NCOR2: variants seen among roughly 807,000 people sequenced by gnomAD.
NCOR2 encodes nuclear receptor corepressor 2.
Under a neutral mutation model 262.9 loss-of-function variants are expected in NCOR2, and 81 were observed. That is an observed-to-expected ratio of 0.31 (90% CI 0.26 to 0.37). The LOEUF (loss-of-function observed/expected upper bound fraction) is 0.37. Ranked by LOEUF, NCOR2 falls within the 10% of genes least tolerant of loss-of-function variation. The pLI, the probability that NCOR2 is intolerant of heterozygous loss-of-function variation, is 1.00. For synonymous variants in NCOR2, 1,659 were observed against 1,559.3 expected (o/e 1.06, Z -1.51); for missense variants, 3,385 against 3,621.4 (o/e 0.93, Z 1.68).
chr12:124,396,123 A>G (rs919329483), intron 16 of NCOR2, among the ~76,000 whole-genome samples: 1 of 152,176 alleles, frequency 6.6e-6, no homozygotes, highest in Non-Finnish European at 1.5e-5. Context: ...CGCCCAGAAC[A>G]GGCCAATCCA....
At chr12:124,332,608 T>A (rs967259653) in intron 42 of NCOR2, 141 bp from the exon 45 acceptor site, 1 of 1,098,354 alleles carries the variant, frequency 9.1e-7, no homozygotes, top group Non-Finnish European at 1.3e-6. Context: ...CCCTGCCTGG[T>A]AGAAGATCAC....
At chr12:124,544,052 G>GA (rs2051465147) in intron 1 of NCOR2, among the ~76,000 whole-genome samples, 1 of 152,236 alleles carries the variant, frequency 6.6e-6, no homozygotes, top group South Asian at 2.1e-4. Context: ...CACACTCAGC[G>GA]TCAGTCAGCA....
chr12:124,445,461 T>C (rs987482959), intron 7 of NCOR2, among the ~76,000 whole-genome samples: 3 of 152,212 alleles, frequency 2.0e-5, no homozygotes, highest in Admixed American at 1.3e-4. Context: ...CGAAATCGTC[T>C]GTGCGGCAGG....
chr12:124,348,368 G>A lies in NCOR2; in HGVS notation c.3845-54C>T, dbSNP rs998317665. 77 of 1,546,176 alleles carry A rather than the reference G, an allele frequency of 5.0e-5. No individual in the cohort carries two copies. In the East Asian group the frequency reaches 8.4e-4, roughly 17 times the overall value. On this transcript the variant is annotated intron_variant, in intron 28 of 46. Coordinates refer to ENST00000405201, the Ensembl canonical transcript of NCOR2. ...GAGCTGGGCACGGGCCCAGGACCACGGTGGGCAGGCAGGACAGGCAGAGCC... is the reference window on the plus strand; with the variant it reads ...GAGCTGGGCACGGGCCCAGGACCACAGTGGGCAGGCAGGACAGGCAGAGCC...
Position 124,335,298 on chromosome 12 carries a change from C to T in NCOR2, c.6266-18G>A, listed in dbSNP as rs750519401. On this transcript the variant is annotated intron_variant, in intron 39 of 46. Coordinates refer to ENST00000405201, the Ensembl canonical transcript of NCOR2. ...CACGGGGCCTGCAGGCAGAGCAGAG[C>T]TGGTCAGGGGGTGTCTGCTGGCCCC... is the stretch of plus-strand genomic sequence containing the variant. The T allele has an allele frequency of 3.2e-6, 5 of 1,571,282 alleles. No homozygotes were observed. In the African/African-American group the frequency reaches 5.4e-5, roughly 17 times the overall value.
intron 4 of NCOR2, among the ~76,000 whole-genome samples, chr12:124,470,447 T>C (rs2046774946): frequency 6.6e-6 from 1 of 152,044 alleles, no homozygotes; most frequent in Non-Finnish European, 1.5e-5. Context: ...ACAGCCCAAA[T>C]GGCCACAGAT....
Position 124,504,842 on chromosome 12 carries a change from C to T in NCOR2, c.-117-9474G>A, listed in dbSNP as rs2048958011. Reference sequence around the variant, plus strand: ...GGAGGGGCAGATTCCCAGGACAGAACAAAGGCCCGAGGCTGCCAGGGGTTG... The same window carrying T: ...GGAGGGGCAGATTCCCAGGACAGAATAAAGGCCCGAGGCTGCCAGGGGTTG... On this transcript the variant is annotated intron_variant, in intron 1 of 46. Transcript: ENST00000404621. The surrounding 1 kb of genome is among the most constrained non-coding windows in gnomAD (Gnocchi z 4.5). 6.6e-6 allele frequency among the ~76,000 whole-genome samples: 1 copy of T among 152,154 alleles called. No homozygotes were observed. Among genetic ancestry groups the T allele is most frequent in the African/African-American group, 2.4e-5 (1 of 41,430 alleles).
chr12:124,340,050 C>T, exon 37 of NCOR2: 1 of 1,612,936 alleles, frequency 6.2e-7, no homozygotes. Context: ...TGATGATACC[C>T]TTCATGCCTG....
intron 4 of NCOR2, among the ~76,000 whole-genome samples, chr12:124,470,499 T>C (rs182740949): frequency 1.0e-3 from 154 of 152,306 alleles, no homozygotes; most frequent in African/African-American, 3.5e-3. Flanking sequence ...CAACGGAATA[T>C]GTTTCAGCCA....
At position 124,432,036 on chromosome 12, in the gene NCOR2, A is replaced by G. The variant is rs910689369; in HGVS notation, c.883-1249T>C. 6.7e-6 allele frequency among the ~76,000 whole-genome samples: 1 copy of G among 148,796 alleles called. No individual in the cohort carries two copies. Among genetic ancestry groups the G allele is most frequent in the Non-Finnish European group, 1.5e-5 (1 of 66,996 alleles). On this transcript the variant is annotated intron_variant, in intron 8 of 46. Coordinates refer to ENST00000405201, the Ensembl canonical transcript of NCOR2. The surrounding 1 kb of genome is among the most constrained non-coding windows in gnomAD (Gnocchi z 5.1). Reference sequence around the variant, plus strand: ...CATATGACAGACACACACACAGTCCATCACACAGGCAGGCAGGCAGACACA... The same window carrying G: ...CATATGACAGACACACACACAGTCCGTCACACAGGCAGGCAGGCAGACACA...
intron 1 of NCOR2, among the ~76,000 whole-genome samples, chr12:124,558,056 C>A (rs1169974498): frequency 2.0e-5 from 3 of 152,140 alleles, no homozygotes; most frequent in African/African-American, 7.2e-5. Flanking sequence ...AGGGCTGGCA[C>A]CAGGCAGGTT....
intron 1 of NCOR2, among the ~76,000 whole-genome samples, chr12:124,533,625 AT>A (rs1293690712): frequency 6.6e-6 from 1 of 152,194 alleles, no homozygotes; most frequent in Admixed American, 6.5e-5. Context: ...CCACAGGTCT[AT>A]TCCCAGCACC....
intron 1 of NCOR2, among the ~76,000 whole-genome samples, chr12:124,564,261 G>A (rs563471716): frequency 9.9e-5 from 15 of 152,240 alleles, no homozygotes; most frequent in East Asian, 9.7e-4. Context: ...GGGACCACAC[G>A]CACCCACCTA....
rs117762921 is a variant in NCOR2 at position 124,552,684 on chromosome 12, G to A, written c.-165+14624C>T. Among the ~76,000 whole-genome samples the A allele has an allele frequency of 1.1e-3, 166 of 152,200 alleles. 3 individuals are homozygous for A. The East Asian group carries it at 0.026, about 24-fold the overall frequency. ...AAACAGCACAAGTTTTTTCGGGGGG[G>A]TTAGGAGGTTTTTTGGTTTTTTGAG... On this transcript the variant is annotated intron_variant, in intron 1 of 32. Coordinates refer to the NCOR2 transcript ENST00000458234.
intron 1 of NCOR2, among the ~76,000 whole-genome samples, chr12:124,547,373 T>C: frequency 6.6e-6 from 1 of 152,218 alleles, no homozygotes; most frequent in Middle Eastern, 3.2e-3. Context: ...TAGGTCTGTA[T>C]GTGTAGGAAA....
Position 124,389,061 on chromosome 12 carries a change from C to T in NCOR2, c.1877-3174G>A, listed in dbSNP as rs1473126806. 6.6e-6 allele frequency among the ~76,000 whole-genome samples: 1 copy of T among 152,246 alleles called. No individual in the cohort carries two copies. Among genetic ancestry groups the T allele is most frequent in the East Asian group, 1.9e-4 (1 of 5,186 alleles). On this transcript the variant is annotated intron_variant, in intron 16 of 46. Coordinates refer to ENST00000405201, the Ensembl canonical transcript of NCOR2. This position sits in a 1 kb window ranked among gnomAD's most constrained non-coding sequence, Gnocchi z 4.4. ...CTGTGGGCGCGCGAGGTGCCCTTCCCCGAGGGTGGTGGGTGGCGGGAAGTT... is the reference window on the plus strand; with the variant it reads ...CTGTGGGCGCGCGAGGTGCCCTTCCTCGAGGGTGGTGGGTGGCGGGAAGTT...
chr12:124,339,938 A>T (rs2036312345), intron 37 of NCOR2, 68 bp downstream of exon 39: 1 of 1,145,178 alleles, frequency 8.7e-7, no homozygotes, highest in Non-Finnish European at 1.2e-6. Flanking sequence ...GCATCCTCTT[A>T]TCTGCTCATC....
intron 44 of NCOR2, among the ~76,000 whole-genome samples, chr12:124,327,955 C>T (rs1201759374): frequency 6.6e-6 from 1 of 151,942 alleles, no homozygotes; most frequent in Non-Finnish European, 1.5e-5. Context: ...CATTCCTATT[C>T]TGTCCTCTGG....
At position 124,520,259 on chromosome 12, in the gene NCOR2, C is replaced by T. The variant is rs59228342; in HGVS notation, c.-118+15306G>A. Among the ~76,000 whole-genome samples the T allele has an allele frequency of 0.01, 1,539 of 152,288 alleles. 60 individuals are homozygous for T. In the East Asian group the frequency reaches 0.11, roughly 11 times the overall value. ...AGGGAAACTGAGGCACAGGAAGGCA[C>T]GGGCATATTTTTAGCCCAAAGATCC... On this transcript the variant is annotated intron_variant, in intron 1 of 46. Coordinates refer to the NCOR2 transcript ENST00000404621.
Sources: allele counts gnomAD v4.1 joint callset (sites outside exome capture counted in the v4.1 genomes callset), GRCh38; gene constraint gnomAD v4.1.1; non-coding constraint Gnocchi (gnomAD v3.1); transcripts MANE v1.5; gene names NCBI Gene and HGNC (gene_info 2026-07-23, HGNC 2026-07-21).